PUS10: variants seen among roughly 807,000 people sequenced by gnomAD.
PUS10 encodes the protein tRNA pseudouridine synthase Pus10.
A neutral mutation model predicts 75.0 loss-of-function variants in PUS10; 59 were observed. The ratio of observed to expected loss-of-function variants is 0.79; its 90% CI spans 0.64 to 0.98. PUS10 has a LOEUF of 0.98. Among genes scored for constraint, PUS10 ranks in the 50% least tolerant of loss-of-function variants. The probability of loss-of-function intolerance (pLI) is 0.00; values close to 1 mark genes in which losing one functional copy is unlikely to be tolerated. For synonymous variants in PUS10, 219 were observed against 211.6 expected, an observed-to-expected ratio of 1.03 and a Z score of -0.30; for missense variants, 650 against 614.4, an observed-to-expected ratio of 1.06 and a Z score of -0.61.
intron 4 of PUS10, among the ~76,000 whole-genome samples, chr2:60,983,549 C>T (rs190771732): frequency 3.5e-4 from 53 of 151,876 alleles, no homozygotes; most frequent in Middle Eastern, 3.4e-3. Context: ...AGCATGGTAG[C>T]GCATGTAATC....
At chr2:60,982,892 C>T (rs138235481) in intron 4 of PUS10, among the ~76,000 whole-genome samples, 43 of 151,802 alleles carry the variant, frequency 2.8e-4, no homozygotes, top group Non-Finnish European at 5.3e-4. Context: ...CTCAGTGGCG[C>T]GATCATGACT....
At chr2:60,967,345 A>AT (rs1676399768) in intron 6 of PUS10, 157 bp downstream of exon 6, 2 of 537,906 alleles carry the variant, frequency 3.7e-6, no homozygotes, top group African/African-American at 4.0e-5. Flanking sequence ...TTTGACTTCA[A>AT]TTTAAGACTA....
intron 1 of PUS10, among the ~76,000 whole-genome samples, chr2:61,014,600 C>T (rs1679847336): frequency 2.0e-5 from 3 of 152,158 alleles, no homozygotes; most frequent in Admixed American, 2.0e-4. Context: ...AAAACAAGAT[C>T]TTCTAATTAG....
In PUS10 at chr2:60,967,481, A is replaced by G. The variant is rs779562797; in HGVS notation, c.615+21T>C. The G allele has an allele frequency of 4.2e-6, 6 of 1,426,192 alleles. No individual in the cohort carries two copies. In the East Asian group the frequency reaches 1.2e-4, roughly 28 times the overall value. 88.3% of individuals were successfully genotyped at this position (1,426,192 alleles called of 1,614,324 possible). ...CTAGTAAAATCAGAGAATAAAATTA[A>G]CAATGCTGTTGACCCAATACCTTTC... On this transcript the variant is annotated intron_variant, in intron 6 of 17. Coordinates refer to ENST00000316752, the MANE Select transcript of PUS10 (RefSeq NM_144709.4).
At chr2:60,970,657 G>A (rs938285123) in intron 5 of PUS10, among the ~76,000 whole-genome samples, 8 of 152,070 alleles carry the variant, frequency 5.3e-5, no homozygotes, top group African/African-American at 1.9e-4. Context: ...GCCTGGGCGG[G>A]GGAGGGGACG....
At chr2:61,012,327 G>C (rs556456702) in intron 1 of PUS10, among the ~76,000 whole-genome samples, 1 of 152,152 alleles carries the variant, frequency 6.6e-6, no homozygotes, top group South Asian at 2.1e-4. Context: ...TGAGTTTGCT[G>C]GTAGTGGGGC....
chr2:60,987,630 T>C (rs988302270), intron 4 of PUS10, among the ~76,000 whole-genome samples: 2 of 152,130 alleles, frequency 1.3e-5, no homozygotes, highest in African/African-American at 4.8e-5. Context: ...GATATAAAAA[T>C]AGAAGCTAAA....
chr2:60,998,949 T>C (rs1022662402), intron 4 of PUS10: 3 of 152,210 alleles, frequency 2.0e-5, no homozygotes, highest in East Asian at 3.8e-4. Flanking sequence ...AGGAAAAAAG[T>C]TTTGATTTGA....
intron 2 of PUS10, among the ~76,000 whole-genome samples, chr2:61,011,269 G>A (rs948980639): frequency 6.6e-6 from 1 of 152,106 alleles, no homozygotes; most frequent in African/African-American, 2.4e-5. Flanking sequence ...AAAGATCTCT[G>A]TATATTACTT....
intron 5 of PUS10, among the ~76,000 whole-genome samples, chr2:60,970,039 C>A (rs573814031): frequency 6.6e-6 from 1 of 151,938 alleles, no homozygotes; most frequent in Non-Finnish European, 1.5e-5. Context: ...TTGCAATTAG[C>A]CGAGATTGCA....
At chr2:60,957,636 C>G (rs1675761921) in intron 11 of PUS10, among the ~76,000 whole-genome samples, 1 of 152,260 alleles carries the variant, frequency 6.6e-6, no homozygotes, top group South Asian at 2.1e-4. Flanking sequence ...TGGCGGGCAT[C>G]CCTAGGCTCT....
chr2:61,000,553 C>T (rs1678786871), intron 4 of PUS10, among the ~76,000 whole-genome samples: 1 of 152,160 alleles, frequency 6.6e-6, no homozygotes, highest in Non-Finnish European at 1.5e-5. Context: ...CCTTTTCTAG[C>T]TTCAGAAGAA....
At chr2:61,009,079 A>C in intron 2 of PUS10, 64 bp from the exon 3 acceptor site, 1 of 1,410,010 alleles carries the variant, frequency 7.1e-7, no homozygotes, top group Admixed American at 2.3e-5. Context: ...TTTCTAGGTA[A>C]GATGAAACAA....
At chr2:60,992,075 G>A (rs955471875) in intron 4 of PUS10, among the ~76,000 whole-genome samples, 9 of 150,776 alleles carry the variant, frequency 6.0e-5, no homozygotes, top group Admixed American at 3.3e-4. Flanking sequence ...ATAGTGGTGC[G>A]ATCTCAGCTA....
At position 60,972,254 on chromosome 2, in the gene PUS10, G is replaced by A. The variant is rs573611385; in HGVS notation, c.469-697C>T. Reference sequence around the variant, plus strand: ...CGAGGTGGGCGGATCACGACGTCAGGAGATCGAGACCATCCTGGCTAACAC... The same window carrying A: ...CGAGGTGGGCGGATCACGACGTCAGAAGATCGAGACCATCCTGGCTAACAC... On this transcript the variant is annotated intron_variant, in intron 4 of 17. Transcript: ENST00000316752. 9.0e-4 allele frequency among the ~76,000 whole-genome samples: 134 copies of A among 149,708 alleles called. 2 individuals carry two copies. Among genetic ancestry groups the A allele is most frequent in the Non-Finnish European group, 1.7e-3 (114 of 67,232 alleles).
At chr2:60,976,854 C>A (rs146948625) in intron 4 of PUS10, among the ~76,000 whole-genome samples, 2 of 152,090 alleles carry the variant, frequency 1.3e-5, no homozygotes, top group African/African-American at 4.8e-5. Flanking sequence ...AATGTTCTGT[C>A]CCTTAGTGAA....
intron 1 of PUS10, among the ~76,000 whole-genome samples, chr2:61,013,952 A>G (rs958165620): frequency 5.0e-4 from 54 of 107,914 alleles, no homozygotes; most frequent in African/African-American, 1.4e-3. Context: ...AATACAAACA[A>G]ACAACAACAA....
intron 4 of PUS10, among the ~76,000 whole-genome samples, chr2:60,982,408 G>A (rs1285874397): frequency 1.3e-5 from 2 of 152,028 alleles, no homozygotes; most frequent in Non-Finnish European, 2.9e-5. Flanking sequence ...GATTACAGGT[G>A]TGCACCACCA....
At chr2:61,002,843 T>C (rs1246836669) in intron 4 of PUS10, among the ~76,000 whole-genome samples, 3 of 152,356 alleles carry the variant, frequency 2.0e-5, no homozygotes, top group South Asian at 2.1e-4. Context: ...TTGGAGACTC[T>C]AAGCATTATG....
Sources: allele counts gnomAD v4.1 joint callset (sites outside exome capture counted in the v4.1 genomes callset), GRCh38; gene constraint gnomAD v4.1.1; transcripts MANE v1.5; gene names NCBI Gene and HGNC (gene_info 2026-07-23, HGNC 2026-07-21).